The following KATNB1 variants were observed in gnomAD, a reference collection of about 807,000 sequenced individuals.
The protein encoded by KATNB1 is katanin regulatory subunit B1.
Under a neutral mutation model 82.3 loss-of-function variants are expected in KATNB1, and 38 were observed. The ratio of observed to expected loss-of-function variants is 0.46; its 90% CI spans 0.36 to 0.61. KATNB1 has a LOEUF of 0.61. Ranked by LOEUF, KATNB1 falls within the 20% of genes least tolerant of loss-of-function variation. The pLI is 0.00. For synonymous variants in KATNB1, 361 were observed against 368.7 expected, an observed-to-expected ratio of 0.98 and a Z score of 0.24; for missense variants, 749 against 915.7, an observed-to-expected ratio of 0.82 and a Z score of 2.35.
intron 4 of KATNB1, among the ~76,000 whole-genome samples, chr16:57,744,718 GGT>G (rs58055231): frequency 7.3e-5 from 11 of 150,266 alleles, no homozygotes; most frequent in African/African-American, 1.7e-4. Context: ...GGGATGTGCG[GGT>G]GTGTGTGTGT....
chr16:57,740,790 A>AC (rs1334087390), intron 2 of KATNB1, among the ~76,000 whole-genome samples: 1 of 150,992 alleles, frequency 6.6e-6, no homozygotes, highest in South Asian at 2.1e-4. Flanking sequence ...GTCAGCCCTC[A>AC]CCCCCACCCC....
At chr16:57,736,160 A>C (rs2049097804) in intron 1 of KATNB1, 1 of 152,484 alleles carries the variant, frequency 6.6e-6, no homozygotes. Context: ...AATGAATGGG[A>C]GACCCCGCGA....
At chr16:57,752,954 C>A (rs782655224) in intron 10 of KATNB1, 26 bp downstream of exon 10, 1 of 1,598,874 alleles carries the variant, frequency 6.3e-7, no homozygotes, top group Non-Finnish European at 8.5e-7. Flanking sequence ...CACCCACCGC[C>A]CCCCACTCCC....
At chr16:57,736,739 G>A (rs1311647184) in intron 1 of KATNB1, 3 of 301,196 alleles carry the variant, frequency 1.0e-5, no homozygotes, top group African/African-American at 2.2e-5. Flanking sequence ...CCAGCATCCC[G>A]GAACAGAGCT....
At position 57,757,182 on chromosome 16, in the gene KATNB1, G is replaced by A. The variant is rs909366697; in HGVS notation, c.*236G>A. ...CCCAACTGTTGCTTCTTGGGGCAGC[G>A]AACTGAGCCCTGGGGCTGCTGCTGT... On this transcript the variant is annotated 3_prime_UTR_variant, in exon 20 of 20. Coordinates refer to ENST00000379661, the MANE Select transcript of KATNB1 (RefSeq NM_005886.3). 2.2e-5 allele frequency: 9 copies of A among 400,020 alleles called. No individual in the cohort carries two copies. The highest frequency in any genetic ancestry group is 1.8e-4 in the Admixed American group (4 of 22,824). 24.8% of individuals were successfully genotyped at this position (400,020 alleles called of 1,614,324 possible).
chr16:57,756,589 T>G (rs183705389), intron 19 of KATNB1, 117 bp downstream of exon 19: 2 of 1,185,870 alleles, frequency 1.7e-6, no homozygotes, highest in Non-Finnish European at 2.4e-6. Context: ...AGAGGAGGCG[T>G]TGGTCTGGGG....
intron 4 of KATNB1, among the ~76,000 whole-genome samples, chr16:57,749,344 C>T (rs117833061): frequency 0.044 from 6,630 of 152,324 alleles, 234 homozygotes; most frequent in Non-Finnish European, 0.061. Flanking sequence ...GCCAGGGTCA[C>T]ACCACCAGTG....
chr16:57,743,987 C>G (rs1224833110), intron 3 of KATNB1, among the ~76,000 whole-genome samples: 1 of 152,228 alleles, frequency 6.6e-6, no homozygotes, highest in East Asian at 1.9e-4. Context: ...TGTGGCTTAC[C>G]TCGCTGAGGG....
At chr16:57,756,652 T>C in intron 19 of KATNB1, 162 bp from the exon 20 acceptor site, 1 of 1,301,608 alleles carries the variant, frequency 7.7e-7, no homozygotes, top group Non-Finnish European at 1.0e-6. Flanking sequence ...CTCCATGGCC[T>C]GGCTGTGCCC....
At position 57,756,804 on chromosome 16, in the gene KATNB1, C is replaced by G; in HGVS notation, c.1836-10C>G. 6.5e-7 allele frequency: 1 copy of G among 1,543,516 alleles called. No homozygotes were observed. Among genetic ancestry groups the G allele is most frequent in the Non-Finnish European group, 8.8e-7 (1 of 1,141,268 alleles). ...GCCAGCTAGCCCCTCAGGCACTGCC[C>G]TCTCTACAGGCTGCATAAGTGCCGG... On this transcript the variant is annotated splice_polypyrimidine_tract_variant and intron_variant, in intron 19 of 19. Transcript: ENST00000379661.
rs782771338 is a variant in KATNB1, at chr16:57,755,826, G to A, written c.1567-15G>A. ...CCCCCACTGCCCCACCCCTGACGGT[G>A]CTCTGTTTGCACAGACGTCGGTGGA... On this transcript the variant is annotated splice_polypyrimidine_tract_variant and intron_variant, in intron 16 of 19. Transcript: ENST00000379661. 6.4e-7 allele frequency: 1 copy of A among 1,574,490 alleles called. No homozygotes were observed. The highest frequency in any genetic ancestry group is 1.3e-5 in the African/African-American group (1 of 74,450).
intron 4 of KATNB1, among the ~76,000 whole-genome samples, chr16:57,745,779 A>G (rs936804367): frequency 1.4e-5 from 2 of 145,724 alleles, no homozygotes; most frequent in Non-Finnish European, 3.0e-5. Flanking sequence ...GTTTCCCTGG[A>G]GTTAATAATA....
rs368895058 is a variant in KATNB1 at position 57,738,774 on chromosome 16, T to C, written c.40+1491T>C. 1.1e-4 allele frequency among the ~76,000 whole-genome samples: 16 copies of C among 152,208 alleles called. No individual in the cohort carries two copies. The East Asian group carries it at 1.2e-3, about 11-fold the overall frequency. On this transcript the variant is annotated intron_variant, in intron 2 of 19. Coordinates refer to ENST00000379661, the MANE Select transcript of KATNB1 (RefSeq NM_005886.3). ...ATTATTGGGATTACGTATTCATCCC[T>C]TCGACAGCTGGCCTTTCCCCAGAGC... is the stretch of plus-strand genomic sequence containing the variant.
At chr16:57,749,972 C>T (rs918357324) in intron 4 of KATNB1, among the ~76,000 whole-genome samples, 1 of 152,220 alleles carries the variant, frequency 6.6e-6, no homozygotes, top group African/African-American at 2.4e-5. Context: ...CAGCCATGCC[C>T]TCCACTTGCC....
chr16:57,755,751 C>A, intron 16 of KATNB1, 90 bp from the exon 17 acceptor site: 1 of 1,257,764 alleles, frequency 8.0e-7, no homozygotes, highest in Non-Finnish European at 1.1e-6. Context: ...CATCAGCACA[C>A]CCACATTCAC....
intron 5 of KATNB1, 43 bp downstream of exon 5, chr16:57,750,970 G>C: frequency 6.6e-7 from 1 of 1,509,356 alleles, no homozygotes; most frequent in Non-Finnish European, 9.2e-7. Flanking sequence ...CTGGGCCTGT[G>C]GCAGGACCAG....
rs782527142 is a variant in KATNB1 at position 57,741,824 on chromosome 16, C to T, written c.171+7C>T. The T allele has an allele frequency of 6.2e-7, 1 of 1,612,336 alleles. No individual in the cohort carries two copies. The highest frequency in any genetic ancestry group is 1.1e-5 in the South Asian group (1 of 90,942). ...CAAGCCCAACTGCATCATGGTGAGC[C>T]CCGACAGCTGGCGGGGGGTCAGGAC... On this transcript the variant is annotated splice_region_variant and intron_variant, in intron 3 of 19. Transcript: ENST00000379661.
intron 18 of KATNB1, 114 bp from the exon 19 acceptor site, chr16:57,756,242 A>C: frequency 9.0e-7 from 1 of 1,108,484 alleles, no homozygotes; most frequent in Non-Finnish European, 1.4e-6. Flanking sequence ...GTGTGGGTGT[A>C]TGTGTGGGTG....
In KATNB1 at chr16:57,752,946, C is replaced by T; in HGVS notation, c.855+18C>T. ...ACCAGTTGGTGAGAGAGCCATGGCA[C>T]CCACCGCCCCCCACTCCCACAGGGC... On this transcript the variant is annotated intron_variant, in intron 10 of 19. Coordinates refer to ENST00000379661, the MANE Select transcript of KATNB1 (RefSeq NM_005886.3). The T allele has an allele frequency of 6.3e-7, 1 of 1,598,814 alleles. No homozygotes were observed.
Sources: allele counts gnomAD v4.1 joint callset (sites outside exome capture counted in the v4.1 genomes callset), GRCh38; gene constraint gnomAD v4.1.1; transcripts MANE v1.5; gene names NCBI Gene and HGNC (gene_info 2026-07-23, HGNC 2026-07-21).